SYT1: variants seen among roughly 807,000 people sequenced by gnomAD.
SYT1 encodes synaptotagmin-1.
A neutral mutation model predicts 44.8 loss-of-function variants in SYT1; 8 were observed. The ratio of observed to expected loss-of-function variants is 0.18; its 90% CI spans 0.10 to 0.32. SYT1 has a LOEUF of 0.32. SYT1 is among the 10% of genes least tolerant of loss of function. The probability of loss-of-function intolerance (pLI) is 1.00; values close to 1 mark genes in which losing one functional copy is unlikely to be tolerated. For synonymous variants in SYT1, 154 were observed against 188.8 expected (o/e 0.82, Z 1.51); for missense variants, 286 against 509.3 (o/e 0.56, Z 4.22).
At chr12:79,071,224 T>C (rs1343920619) in intron 3 of SYT1, among the ~76,000 whole-genome samples, 1 of 152,118 alleles carries the variant, frequency 6.6e-6, no homozygotes, top group African/African-American at 2.4e-5. Flanking sequence ...GCTGGAAGTG[T>C]ACAGAAATCT....
At chr12:79,149,368 A>T (rs899497081) in intron 3 of SYT1, among the ~76,000 whole-genome samples, 6 of 152,104 alleles carry the variant, frequency 3.9e-5, no homozygotes, top group African/African-American at 1.4e-4. Flanking sequence ...TTTTTCTGTC[A>T]AGATTTTTAA....
chr12:78,881,311 T>C (rs913431761), intron 1 of SYT1, among the ~76,000 whole-genome samples: 1 of 151,694 alleles, frequency 6.6e-6, no homozygotes, highest in Admixed American at 6.6e-5. Flanking sequence ...CTCAAAGAAA[T>C]TTTTCCCAAC....
intron 1 of SYT1, among the ~76,000 whole-genome samples, chr12:78,910,460 C>G (rs1876253691): frequency 6.6e-6 from 1 of 151,828 alleles, no homozygotes; most frequent in African/African-American, 2.4e-5. Flanking sequence ...ATTTTTCTGC[C>G]CTTTTAATTG....
chr12:79,184,140 A>G (rs1163634111), intron 3 of SYT1, among the ~76,000 whole-genome samples: 1 of 152,108 alleles, frequency 6.6e-6, no homozygotes, highest in Non-Finnish European at 1.5e-5. Flanking sequence ...GAATAGAAAG[A>G]GGAAGTGAGT....
At chr12:79,065,199 C>A in intron 3 of SYT1, among the ~76,000 whole-genome samples, 1 of 152,168 alleles carries the variant, frequency 6.6e-6, no homozygotes, top group Admixed American at 6.5e-5. Context: ...ATGGTGAAAA[C>A]CCGTCTTCAC....
At chr12:79,275,402 T>C (rs571182075) in intron 4 of SYT1, among the ~76,000 whole-genome samples, 1 of 152,144 alleles carries the variant, frequency 6.6e-6, no homozygotes, top group East Asian at 2.0e-4. Context: ...TCTGGAACAT[T>C]TGGGGGTGAC....
intron 3 of SYT1, among the ~76,000 whole-genome samples, chr12:79,156,552 C>G (rs1033908815): frequency 2.0e-5 from 3 of 152,074 alleles, no homozygotes; most frequent in African/African-American, 7.2e-5. Context: ...ACTGCAACCT[C>G]TGCCTCCCAA....
At chr12:79,438,488 C>G (rs1870219952) in intron 9 of SYT1, among the ~76,000 whole-genome samples, 1 of 152,152 alleles carries the variant, frequency 6.6e-6, no homozygotes, top group Non-Finnish European at 1.5e-5. Flanking sequence ...ATGTTTCACT[C>G]AAAGTTTATG....
intron 4 of SYT1, among the ~76,000 whole-genome samples, chr12:79,282,657 T>A (rs1275526533): frequency 6.6e-6 from 1 of 152,178 alleles, no homozygotes; most frequent in Non-Finnish European, 1.5e-5. Flanking sequence ...TTTAATATGT[T>A]CTATTAAAGA....
At chr12:79,174,804 G>A (rs1222567045) in intron 3 of SYT1, among the ~76,000 whole-genome samples, 1 of 151,964 alleles carries the variant, frequency 6.6e-6, no homozygotes, top group African/African-American at 2.4e-5. Context: ...AACAGGAATT[G>A]GCATCATCCT....
chr12:78,987,261 A>G (rs992697581), intron 2 of SYT1, among the ~76,000 whole-genome samples: 5 of 152,018 alleles, frequency 3.3e-5, no homozygotes, highest in African/African-American at 1.2e-4. Flanking sequence ...GCCCTCTCCA[A>G]AGGAAATATG....
chr12:79,225,520 T>A (rs536511453), intron 4 of SYT1, among the ~76,000 whole-genome samples: 9 of 152,336 alleles, frequency 5.9e-5, no homozygotes, highest in Admixed American at 5.9e-4. Context: ...ACTTTTGATA[T>A]AACTTTGAGG....
Position 79,451,275 on chromosome 12 carries a change from A to G in SYT1, c.*2151A>G, listed in dbSNP as rs893820900. The G allele has an allele frequency of 6.6e-6, 1 of 152,234 alleles. No individual in the cohort carries two copies. The highest frequency in any genetic ancestry group is 6.5e-5 in the Admixed American group (1 of 15,288). 9.4% of individuals were successfully genotyped at this position (152,234 alleles called of 1,614,324 possible). A position where few individuals can be genotyped will look rare whatever the true frequency, so the allele number is the denominator to read the frequency against. On this transcript the variant is annotated 3_prime_UTR_variant, in exon 11 of 11. Coordinates refer to ENST00000261205, the MANE Select transcript of SYT1 (RefSeq NM_005639.3). ...GCCGATGGTCCGTACTTCTTAAAAAACATAGGTAATAGAAAATATACACAA... is the reference window on the plus strand; with the variant it reads ...GCCGATGGTCCGTACTTCTTAAAAAGCATAGGTAATAGAAAATATACACAA...
At chr12:79,384,798 T>C (rs1884365797) in intron 9 of SYT1, among the ~76,000 whole-genome samples, 1 of 152,114 alleles carries the variant, frequency 6.6e-6, no homozygotes, top group Admixed American at 6.6e-5. Context: ...AAAAACGTCA[T>C]CACTTATTAT....
intron 9 of SYT1, among the ~76,000 whole-genome samples, chr12:79,407,476 T>C (rs954381481): frequency 3.3e-5 from 5 of 152,092 alleles, no homozygotes; most frequent in African/African-American, 7.2e-5. Context: ...CCACCATTTG[T>C]TGGGAAGGCA....
chr12:79,049,279 A>G (rs537105443), intron 3 of SYT1, among the ~76,000 whole-genome samples: 1 of 151,964 alleles, frequency 6.6e-6, no homozygotes, highest in Non-Finnish European at 1.5e-5. Context: ...GAGACATCTC[A>G]TTCAAGTAAT....
intron 1 of SYT1, among the ~76,000 whole-genome samples, chr12:78,941,434 C>CACAT (rs1491424889): frequency 5.6e-5 from 8 of 141,734 alleles, no homozygotes; most frequent in Admixed American, 2.8e-4. Flanking sequence ...CACACACACA[C>CACAT]ATTATGTAAT....
At chr12:79,036,907 T>C (rs1873171239) in intron 2 of SYT1, among the ~76,000 whole-genome samples, 1 of 149,414 alleles carries the variant, frequency 6.7e-6, no homozygotes, top group African/African-American at 2.4e-5. Flanking sequence ...CTTCTCCCAC[T>C]CTCTCATTTC....
At chr12:79,223,154 TG>T (rs1875276888) in intron 4 of SYT1, among the ~76,000 whole-genome samples, 1 of 152,232 alleles carries the variant, frequency 6.6e-6, no homozygotes, top group African/African-American at 2.4e-5. Context: ...TTTGGTGATT[TG>T]TTTCCCTGAT....
Sources: gnomAD v4.1 joint callset for allele counts (sites outside exome capture counted in the v4.1 genomes callset) on GRCh38, gnomAD v4.1.1 for gene constraint, MANE v1.5 for transcripts, NCBI Gene and HGNC (gene_info 2026-07-23, HGNC 2026-07-21) for gene names.